Variants in OLFM3 observed in about 807,000 individuals in gnomAD.
The protein encoded by OLFM3 is olfactomedin 3.
OLFM3 carries 20 observed loss-of-function variants against 48.6 expected under a neutral mutation model. That is an observed-to-expected ratio of 0.41 (90% CI 0.29 to 0.60). The LOEUF (loss-of-function observed/expected upper bound fraction) is 0.60, where lower values mean the gene tolerates loss of function less well. Among genes scored for constraint, OLFM3 ranks in the 20% least tolerant of loss-of-function variants. OLFM3 has a pLI of 0.28. For synonymous variants in OLFM3, 222 were observed against 198.1 expected, an observed-to-expected ratio of 1.12 and a Z score of -1.01; for missense variants, 437 against 544.3, an observed-to-expected ratio of 0.80 and a Z score of 1.96.
chr1:101,933,823 G>GA (rs984072118), intron 1 of OLFM3, among the ~76,000 whole-genome samples: 18 of 149,642 alleles, frequency 1.2e-4, no homozygotes, highest in Admixed American at 2.0e-4. Flanking sequence ...CATTCTTAAA[G>GA]AAAAAAAAAA....
chr1:101,837,834 C>G (rs1557696464), intron 1 of OLFM3: 4 of 152,104 alleles, frequency 2.6e-5, no homozygotes, highest in Admixed American at 2.6e-4. Context: ...TCGCTCATTT[C>G]ATTTTTCCTG....
chr1:101,855,580 A>C (rs572172481), intron 1 of OLFM3, among the ~76,000 whole-genome samples: 245 of 152,228 alleles, frequency 1.6e-3, no homozygotes, highest in Non-Finnish European at 2.9e-3. Flanking sequence ...GAGTGCTAAA[A>C]GCTAAGCACA....
chr1:101,907,870 A>G (rs541398470), intron 1 of OLFM3, among the ~76,000 whole-genome samples: 1 of 149,034 alleles, frequency 6.7e-6, no homozygotes, highest in Admixed American at 6.6e-5. Flanking sequence ...AATAGTAAAA[A>G]ACGTATAATT....
chr1:101,961,667 A>T (rs1420430270), intron 1 of OLFM3, among the ~76,000 whole-genome samples: 2 of 152,172 alleles, frequency 1.3e-5, no homozygotes. Context: ...TTTACTGCAG[A>T]CAGCGAGGAG....
At chr1:101,982,712 C>G (rs2101110713) in intron 1 of OLFM3, among the ~76,000 whole-genome samples, 1 of 152,234 alleles carries the variant, frequency 6.6e-6, no homozygotes, top group East Asian at 1.9e-4. Context: ...GCTTGGCTAT[C>G]CCTTTTTTCC....
intron 1 of OLFM3, among the ~76,000 whole-genome samples, chr1:101,971,056 A>T (rs953305933): frequency 1.3e-5 from 2 of 152,212 alleles, no homozygotes; most frequent in African/African-American, 4.8e-5. Context: ...AACTGTTTTG[A>T]TGACTTTTGA....
intron 1 of OLFM3, among the ~76,000 whole-genome samples, chr1:101,949,996 C>G (rs1481675987): frequency 6.9e-6 from 1 of 144,096 alleles, no homozygotes; most frequent in Non-Finnish European, 1.5e-5. Flanking sequence ...CCACTGCACT[C>G]CAGCCTGGGC....
intron 1 of OLFM3, among the ~76,000 whole-genome samples, chr1:101,972,398 T>C (rs1414310389): frequency 6.6e-6 from 1 of 152,220 alleles, no homozygotes; most frequent in African/African-American, 2.4e-5. Context: ...ATATTAAAAA[T>C]GCATCCCTTT....
intron 1 of OLFM3, among the ~76,000 whole-genome samples, chr1:101,938,758 G>A (rs961429831): frequency 6.6e-6 from 1 of 152,164 alleles, no homozygotes; most frequent in Non-Finnish European, 1.5e-5. Flanking sequence ...TCTTACAGCT[G>A]CCTCTCTCAA....
At chr1:101,991,016 A>AAAAAAAAAAAAAAAAAAAT (rs1553186119) in intron 1 of OLFM3, among the ~76,000 whole-genome samples, 2 of 32,200 alleles carry the variant, frequency 6.2e-5, no homozygotes, top group Non-Finnish European at 1.0e-4. Flanking sequence ...AAAAAAAAAA[A>AAAAAAAAAAAAAAAAAAAT]ATATATATAT....
chr1:101,836,090 A>G (rs1205759542), intron 2 of OLFM3, among the ~76,000 whole-genome samples: 1 of 152,236 alleles, frequency 6.6e-6, no homozygotes, highest in African/African-American at 2.4e-5. Context: ...GATGTCCTCT[A>G]GAACACATAC....
At chr1:101,978,764 G>A (rs373576654) in intron 1 of OLFM3, among the ~76,000 whole-genome samples, 3 of 152,114 alleles carry the variant, frequency 2.0e-5, no homozygotes, top group East Asian at 1.9e-4. Context: ...TACTTTATGC[G>A]CTCCTTTCAT....
intron 1 of OLFM3, among the ~76,000 whole-genome samples, chr1:101,973,328 G>C (rs1446581356): frequency 6.6e-6 from 1 of 152,218 alleles, no homozygotes; most frequent in African/African-American, 2.4e-5. Context: ...TCTGAGGCAG[G>C]AGAGCATAGA....
At chr1:101,943,028 C>T (rs1659841551) in intron 1 of OLFM3, among the ~76,000 whole-genome samples, 2 of 152,192 alleles carry the variant, frequency 1.3e-5, no homozygotes, top group South Asian at 4.1e-4. Flanking sequence ...CGTCTCCTGT[C>T]TGCTAACAGG....
chr1:101,846,909 A>T, intron 1 of OLFM3: 1 of 1,612,808 alleles, frequency 6.2e-7, no homozygotes. Context: ...AGTTTGGGAC[A>T]TCCAGTTTGA....
At chr1:101,920,967 T>C (rs1659076471) in intron 1 of OLFM3, among the ~76,000 whole-genome samples, 1 of 152,224 alleles carries the variant, frequency 6.6e-6, no homozygotes, top group South Asian at 2.1e-4. Flanking sequence ...CTGTTATAAG[T>C]ACAATATTCT....
intron 1 of OLFM3, among the ~76,000 whole-genome samples, chr1:101,909,309 G>C (rs762617076): frequency 2.0e-5 from 3 of 152,212 alleles, no homozygotes; most frequent in Non-Finnish European, 4.4e-5. Flanking sequence ...AAATGCTTTA[G>C]GAGACATTCA....
chr1:101,903,005 G>T lies in OLFM3; in HGVS notation c.70-65980C>A, dbSNP rs375030094. Among the ~76,000 whole-genome samples, 29 of 152,166 alleles carry T rather than the reference G, an allele frequency of 1.9e-4. 1 individual carries two copies. The highest frequency in any genetic ancestry group is 6.7e-4 in the African/African-American group (28 of 41,538). ...TAAAAGGGATTTTTCCAGCAGCAGT[G>T]GAAATCCACTTGACAGCTTGGCTTT... On this transcript the variant is annotated intron_variant, in intron 1 of 5. Coordinates refer to ENST00000370103, the MANE Select transcript of OLFM3 (RefSeq NM_058170.4).
intron 1 of OLFM3, among the ~76,000 whole-genome samples, chr1:101,973,407 G>A (rs1449112836): frequency 6.6e-6 from 1 of 152,158 alleles, no homozygotes; most frequent in East Asian, 1.9e-4. Flanking sequence ...TCAAGGGATT[G>A]GACGAGGCTC....
Sources: gnomAD v4.1 joint callset for allele counts (sites outside exome capture counted in the v4.1 genomes callset) on GRCh38, gnomAD v4.1.1 for gene constraint, MANE v1.5 for transcripts, NCBI Gene and HGNC (gene_info 2026-07-23, HGNC 2026-07-21) for gene names.